The following NTRK3 variants were observed in gnomAD, a reference collection of about 807,000 sequenced individuals.
NTRK3 encodes neurotrophic receptor tyrosine kinase 3.
Under a neutral mutation model 91.7 loss-of-function variants are expected in NTRK3, and 24 were observed. The ratio of observed to expected loss-of-function variants is 0.26; its 90% confidence interval spans 0.19 to 0.37. The LOEUF (loss-of-function observed/expected upper bound fraction) is 0.37, where lower values mean the gene tolerates loss of function less well. Among genes scored for constraint, NTRK3 ranks in the 10% least tolerant of loss-of-function variants. The probability of loss-of-function intolerance (pLI) is 1.00; values close to 1 mark genes in which losing one functional copy is unlikely to be tolerated. For missense variants in NTRK3, 880 were observed against 1,068.9 expected (o/e 0.82, Z 2.46); for synonymous variants, 483 against 404.0 (o/e 1.20, Z -2.34).
intron 13 of NTRK3, among the ~76,000 whole-genome samples, chr15:88,035,489 C>T (rs28687205): frequency 0.17 from 25,683 of 152,134 alleles, 3,437 homozygotes; most frequent in African/African-American, 0.37. Flanking sequence ...TGGATGAATT[C>T]TCTCAAAAAA....
intron 3 of NTRK3, among the ~76,000 whole-genome samples, chr15:88,231,131 A>G (rs1261963313): frequency 6.6e-6 from 1 of 152,146 alleles, no homozygotes; most frequent in Non-Finnish European, 1.5e-5. Flanking sequence ...CGTGTTCCAA[A>G]CAGATGTCAC....
chr15:87,870,217 C>A (rs1284733132), exon 19 of NTRK3: 2 of 182,952 alleles, frequency 1.1e-5, no homozygotes, highest in Non-Finnish European at 2.3e-5. Flanking sequence ...CACACACACA[C>A]AAACATATAT....
At chr15:88,071,261 G>A (rs966323956) in intron 13 of NTRK3, among the ~76,000 whole-genome samples, 1 of 152,214 alleles carries the variant, frequency 6.6e-6, no homozygotes, top group Admixed American at 6.5e-5. Flanking sequence ...CTTTCCTCCT[G>A]ACTGACTCTG....
intron 13 of NTRK3, among the ~76,000 whole-genome samples, chr15:88,113,737 C>T (rs1001738941): frequency 6.6e-6 from 1 of 152,194 alleles, no homozygotes; most frequent in South Asian, 2.1e-4. Context: ...CATGCTCATT[C>T]ATTTACATAT....
At chr15:88,208,587 A>C (rs1046169869) in intron 3 of NTRK3, among the ~76,000 whole-genome samples, 3 of 152,152 alleles carry the variant, frequency 2.0e-5, no homozygotes, top group African/African-American at 2.4e-5. Flanking sequence ...AGTCCATAGA[A>C]CACACTTTGA....
intron 17 of NTRK3, among the ~76,000 whole-genome samples, chr15:87,918,970 A>G (rs1428226680): frequency 6.6e-6 from 1 of 152,224 alleles, no homozygotes; most frequent in Non-Finnish European, 1.5e-5. Context: ...TTTCAGTCCC[A>G]GTCCAGGAAA....
At position 88,160,395 on chromosome 15, in the gene NTRK3, C is replaced by T. The variant is rs190788688; in HGVS notation, c.396-12992G>A. On this transcript the variant is annotated intron_variant, in intron 5 of 18. Coordinates refer to ENST00000394480, the Ensembl canonical transcript of NTRK3. ...AAGAAGCAGAGACCTTAGCTTAGTG[C>T]CTGAGGTAGTGTCCTAGAGGCTTGG... Among the ~76,000 whole-genome samples, 30 of 152,292 alleles carry T rather than the reference C, an allele frequency of 2.0e-4. 2 individuals carry two copies. Among genetic ancestry groups the T allele is most frequent in the African/African-American group, 7.0e-4 (29 of 41,558 alleles).
At chr15:87,890,284 G>T (rs2065785905) in intron 17 of NTRK3, among the ~76,000 whole-genome samples, 1 of 152,136 alleles carries the variant, frequency 6.6e-6, no homozygotes, top group Admixed American at 6.5e-5. Flanking sequence ...AGCAGTCACT[G>T]ATGATCACTG....
At chr15:87,955,181 C>T (rs1266768922) in intron 14 of NTRK3, among the ~76,000 whole-genome samples, 1 of 152,224 alleles carries the variant, frequency 6.6e-6, no homozygotes, top group East Asian at 1.9e-4. Context: ...TTACCCGAGG[C>T]TGCTCAGTTT....
chr15:88,127,034 G>C (rs2053359630), intron 12 of NTRK3, 128 bp downstream of exon 12: 1 of 840,710 alleles, frequency 1.2e-6, no homozygotes, highest in South Asian at 1.4e-5. Flanking sequence ...CCTGAACGTA[G>C]TTCAATTCAT....
intron 5 of NTRK3, among the ~76,000 whole-genome samples, chr15:88,151,038 G>A (rs991565328): frequency 4.6e-5 from 7 of 152,136 alleles, no homozygotes; most frequent in East Asian, 1.9e-4. Context: ...TGAGCCCCAC[G>A]GCAGCCTTTT....
chr15:88,157,926 T>TC (rs1411698276), intron 5 of NTRK3, among the ~76,000 whole-genome samples: 2 of 152,128 alleles, frequency 1.3e-5, no homozygotes, highest in Non-Finnish European at 2.9e-5. Flanking sequence ...TGAGGGATCC[T>TC]CCCCTCTTGG....
intron 3 of NTRK3, among the ~76,000 whole-genome samples, chr15:88,229,683 C>T (rs141448738): frequency 3.9e-5 from 6 of 152,338 alleles, no homozygotes; most frequent in Admixed American, 1.3e-4. Context: ...CCTGGTCACT[C>T]TCTGCACACA....
intron 13 of NTRK3, among the ~76,000 whole-genome samples, chr15:88,056,630 A>G (rs1483632255): frequency 6.6e-6 from 1 of 152,206 alleles, no homozygotes; most frequent in Non-Finnish European, 1.5e-5. Flanking sequence ...TTTCACAGAA[A>G]TGTGCTGCTC....
At chr15:88,083,196 T>A (rs556853410) in intron 13 of NTRK3, among the ~76,000 whole-genome samples, 1 of 152,258 alleles carries the variant, frequency 6.6e-6, no homozygotes, top group African/African-American at 2.4e-5. Context: ...CCTCTGTTCC[T>A]GGCCACAGGA....
At chr15:88,065,911 G>T (rs1027084247) in intron 13 of NTRK3, among the ~76,000 whole-genome samples, 2 of 152,032 alleles carry the variant, frequency 1.3e-5, no homozygotes, top group African/African-American at 4.8e-5. Context: ...GTCAAACAAA[G>T]AAAGAGAGAC....
chr15:88,154,850 G>A (rs1437740216), intron 5 of NTRK3, among the ~76,000 whole-genome samples: 1 of 152,208 alleles, frequency 6.6e-6, no homozygotes, highest in Non-Finnish European at 1.5e-5. Flanking sequence ...AGCTTTTACT[G>A]TAAGAGAAGG....
chr15:88,146,673 C>G (rs1362835504), intron 6 of NTRK3, among the ~76,000 whole-genome samples: 2 of 152,134 alleles, frequency 1.3e-5, no homozygotes, highest in Admixed American at 6.5e-5. Context: ...CCCTGATCAG[C>G]CTTGGACCAC....
At chr15:88,124,131 A>C (rs1256326893) in intron 13 of NTRK3, among the ~76,000 whole-genome samples, 2 of 152,242 alleles carry the variant, frequency 1.3e-5, no homozygotes, top group African/African-American at 4.8e-5. Context: ...CATAAAGATG[A>C]AAGAGATTCA....
Sources: gnomAD v4.1 joint callset for allele counts (sites outside exome capture counted in the v4.1 genomes callset) on GRCh38, gnomAD v4.1.1 for gene constraint, MANE v1.5 for transcripts, NCBI Gene and HGNC (gene_info 2026-07-23, HGNC 2026-07-21) for gene names.